Variants in FAM135B observed in about 807,000 individuals in gnomAD.
FAM135B encodes family with sequence similarity 135 member B, also known as protein FAM135B.
A neutral mutation model predicts 127.7 loss-of-function variants in FAM135B; 43 were observed. The observed-to-expected ratio is 0.34, with a 90% CI of 0.26 to 0.43. The LOEUF (loss-of-function observed/expected upper bound fraction) is 0.43, where lower values mean the gene tolerates loss of function less well. Among genes scored for constraint, FAM135B ranks in the 20% least tolerant of loss-of-function variants. The probability of loss-of-function intolerance (pLI) is 1.00; values close to 1 mark genes in which losing one functional copy is unlikely to be tolerated. For synonymous variants in FAM135B, 670 were observed against 665.1 expected, an observed-to-expected ratio of 1.01 and a Z score of -0.11; for missense variants, 1,558 against 1,725.6, an observed-to-expected ratio of 0.90 and a Z score of 1.72.
intron 2 of FAM135B, among the ~76,000 whole-genome samples, chr8:138,317,860 A>T (rs1171735687): frequency 6.6e-6 from 1 of 152,242 alleles, no homozygotes; most frequent in Non-Finnish European, 1.5e-5. Flanking sequence ...TGACCATGAC[A>T]TGTGCCTCTG....
chr8:138,240,912 A>G (rs1270235221), intron 7 of FAM135B, among the ~76,000 whole-genome samples: 5 of 152,142 alleles, frequency 3.3e-5, no homozygotes, highest in Non-Finnish European at 7.3e-5. Flanking sequence ...ACATTCCCTA[A>G]CGCCCCAGGC....
At chr8:138,399,029 C>T (rs1188146504) in intron 1 of FAM135B, among the ~76,000 whole-genome samples, 1 of 152,142 alleles carries the variant, frequency 6.6e-6, no homozygotes, top group Non-Finnish European at 1.5e-5. Context: ...ATTAGCCTGT[C>T]TTCTCATTAA....
At chr8:138,470,140 A>C (rs1837599066) in intron 1 of FAM135B, among the ~76,000 whole-genome samples, 1 of 152,226 alleles carries the variant, frequency 6.6e-6, no homozygotes, top group African/African-American at 2.4e-5. Context: ...TATAAAAGAC[A>C]TGAGTGGAAA....
rs116837377 is a variant in FAM135B at position 138,234,581 on chromosome 8, T to A, written c.669+8361A>T. ...ATCCTGCCACATGTAACCACAGGGA[T>A]GAACCTGAAAAACATTTTTTTCTGG... is the stretch of plus-strand genomic sequence containing the variant. On this transcript the variant is annotated intron_variant, in intron 7 of 19. Coordinates refer to ENST00000395297, the MANE Select transcript of FAM135B (RefSeq NM_015912.4). Among the ~76,000 whole-genome samples, 684 of 152,348 alleles carry A rather than the reference T, an allele frequency of 4.5e-3. 3 individuals carry two copies. The highest frequency in any genetic ancestry group is 0.016 in the African/African-American group (649 of 41,582).
At chr8:138,355,551 C>A (rs2131145347) in intron 2 of FAM135B, among the ~76,000 whole-genome samples, 1 of 152,214 alleles carries the variant, frequency 6.6e-6, no homozygotes, top group Admixed American at 6.5e-5. Context: ...GGAGACTAAA[C>A]TTTTATTATG....
chr8:138,448,167 G>A (rs916549840), intron 1 of FAM135B, among the ~76,000 whole-genome samples: 10 of 152,128 alleles, frequency 6.6e-5, no homozygotes, highest in African/African-American at 2.2e-4. Flanking sequence ...TTTGGGGAAG[G>A]TGTGATGGTT....
chr8:138,386,433 G>C (rs1183541559), intron 1 of FAM135B, among the ~76,000 whole-genome samples: 1 of 152,106 alleles, frequency 6.6e-6, no homozygotes, highest in African/African-American at 2.4e-5. Flanking sequence ...CCCCTAGCCA[G>C]TGAAAAGAAG....
Position 138,454,901 on chromosome 8 carries a change from CATTA to C in FAM135B, c.-20+41766_-20+41769del, listed in dbSNP as rs545303271. 1.3e-3 allele frequency among the ~76,000 whole-genome samples: 195 copies of C among 152,352 alleles called. 2 individuals are homozygous for C. Among genetic ancestry groups the C allele is most frequent in the African/African-American group, 3.9e-3 (163 of 41,582 alleles). ...TGTCCACAGTTTCTCACCTTCGTGT[CATTA>C]TCCCTCAGCCCAGGGCTTGGCATGT... is the stretch of plus-strand genomic sequence containing the variant. On this transcript the variant is annotated intron_variant, in intron 1 of 19. Coordinates refer to ENST00000395297, the MANE Select transcript of FAM135B (RefSeq NM_015912.4).
intron 7 of FAM135B, among the ~76,000 whole-genome samples, chr8:138,224,293 A>G (rs1211466480): frequency 6.6e-6 from 1 of 152,238 alleles, no homozygotes; most frequent in African/African-American, 2.4e-5. Flanking sequence ...TAGCACATTC[A>G]GGAAGGCATA....
At position 138,178,577 on chromosome 8, in the gene FAM135B, G is replaced by A. The variant is rs2130980428; in HGVS notation, c.987C>T (p.Ser329=). Residue 329 remains serine (S), a synonymous_variant, in exon 10 of 20, where the codon TCC becomes TCT. Coordinates refer to ENST00000395297, the MANE Select transcript of FAM135B (RefSeq NM_015912.4). ...TQFLDTVTLH[S]QVTTYLTQEH... is the part of the protein sequence containing the mutation. ...CCTGGGTGAGATAAGTGGTCACTTG[G>A]GAGTGCAGAGTGACTGTGTCCAGGA... The A allele has an allele frequency of 6.2e-7, 1 of 1,613,936 alleles. No homozygotes were observed. Among genetic ancestry groups the A allele is most frequent in the East Asian group, 2.2e-5 (1 of 44,872 alleles).
Position 138,141,107 on chromosome 8 carries a change from A to T in FAM135B, c.3790+91T>A. On this transcript the variant is annotated intron_variant, in intron 17 of 19. Coordinates refer to ENST00000395297, the MANE Select transcript of FAM135B (RefSeq NM_015912.4). The surrounding 1 kb of genome is among the most constrained non-coding windows in gnomAD (Gnocchi z 4.7). ...TGCTTGGAAAAGACTGCACAGTCAC[A>T]GGGTTCCAAGTGGAAGTACCTGTGC... 1 of 1,259,064 alleles carries T rather than the reference A, an allele frequency of 7.9e-7. No homozygotes were observed. Among genetic ancestry groups the T allele is most frequent in the South Asian group, 1.4e-5 (1 of 72,584 alleles). The allele number at this position is 1,259,064 out of a possible 1,614,324, so 78.0% of individuals were successfully genotyped here.
chr8:138,447,096 C>A (rs575759388), intron 1 of FAM135B, among the ~76,000 whole-genome samples: 5 of 151,418 alleles, frequency 3.3e-5, no homozygotes, highest in East Asian at 1.9e-4. Flanking sequence ...AAATCAAAAC[C>A]ACAATGAGAT....
chr8:138,459,705 G>A (rs1361464735), intron 1 of FAM135B: 1 of 152,204 alleles, frequency 6.6e-6, no homozygotes, highest in Non-Finnish European at 1.5e-5. Context: ...GACTACTGCA[G>A]AAGGGGCCCT....
At chr8:138,330,009 G>T (rs1828055296) in intron 2 of FAM135B, among the ~76,000 whole-genome samples, 1 of 152,064 alleles carries the variant, frequency 6.6e-6, no homozygotes, top group Non-Finnish European at 1.5e-5. Flanking sequence ...TTGCATCTGG[G>T]CATGCTCTCA....
chr8:138,483,691 G>A (rs1207483461), intron 1 of FAM135B, among the ~76,000 whole-genome samples: 2 of 152,080 alleles, frequency 1.3e-5, no homozygotes, highest in Admixed American at 1.3e-4. Context: ...CCATAATCAG[G>A]ACCCCAAAAA....
chr8:138,242,573 T>C lies in FAM135B; in HGVS notation c.669+369A>G, dbSNP rs528338963. On this transcript the variant is annotated intron_variant, in intron 7 of 19. Coordinates refer to ENST00000395297, the MANE Select transcript of FAM135B (RefSeq NM_015912.4). The surrounding 1 kb of genome is among the most constrained non-coding windows in gnomAD (Gnocchi z 9.6). Reference sequence around the variant, plus strand: ...GGTGGGAAAACTGATGTTCAGAGAGTGCACAAATGAAAGCGGGAGCCAGGT... The same window carrying C: ...GGTGGGAAAACTGATGTTCAGAGAGCGCACAAATGAAAGCGGGAGCCAGGT... Among the ~76,000 whole-genome samples, 1 of 151,888 alleles carries C rather than the reference T, an allele frequency of 6.6e-6. No individual in the cohort carries two copies. The highest frequency in any genetic ancestry group is 1.9e-4 in the East Asian group (1 of 5,146).
intron 9 of FAM135B, among the ~76,000 whole-genome samples, chr8:138,184,241 A>G (rs1815347737): frequency 6.6e-6 from 1 of 152,194 alleles, no homozygotes; most frequent in Non-Finnish European, 1.5e-5. Flanking sequence ...CAAGGTGTGC[A>G]GGAGGGCTGG....
In FAM135B at chr8:138,151,972, C is replaced by A. The variant is rs764182269; in HGVS notation, c.2503G>T (p.Asp835Tyr). 1 of 1,614,136 alleles carries A rather than the reference C, an allele frequency of 6.2e-7. No homozygotes were observed. Among genetic ancestry groups the A allele is most frequent in the Non-Finnish European group, 8.5e-7 (1 of 1,180,024 alleles). Residue 835 changes from aspartate to tyrosine, a missense_variant, in exon 13 of 20, where the codon GAT (aspartate) becomes TAT (tyrosine). Asp to Tyr is a radical substitution (Grantham distance 160). Transcript: ENST00000395297. ...CCGGGGCCCTGCTGGTTGTCAGCAT[C>A]TAAAACTATCTCCACCAGGGGATGG... ...ADHPLVEIVL[D>Y]ADNQQGPGYI...
chr8:138,251,410 C>G (rs547206572), intron 5 of FAM135B, among the ~76,000 whole-genome samples: 10 of 152,312 alleles, frequency 6.6e-5, no homozygotes, highest in African/African-American at 2.4e-4. Flanking sequence ...TAACGCTGCA[C>G]TGACTGTGTG....
Sources: gnomAD v4.1 joint callset for allele counts (sites outside exome capture counted in the v4.1 genomes callset) on GRCh38, gnomAD v4.1.1 for gene constraint, Gnocchi (gnomAD v3.1) non-coding constraint, MANE v1.5 for transcripts, NCBI Gene and HGNC (gene_info 2026-07-23, HGNC 2026-07-21) for gene names.